The following GRIP2 variants were observed in gnomAD, a reference collection of about 807,000 sequenced individuals.
The protein encoded by GRIP2 is glutamate receptor interacting protein 2.
A neutral mutation model predicts 108.3 loss-of-function variants in GRIP2; 58 were observed. The observed-to-expected ratio is 0.54, with a 90% CI of 0.43 to 0.67. The LOEUF is 0.67. Ranked by LOEUF, GRIP2 falls within the 30% of genes least tolerant of loss-of-function variation. The probability of loss-of-function intolerance (pLI) is 0.00; values close to 1 mark genes in which losing one functional copy is unlikely to be tolerated. For missense variants in GRIP2, 1,278 were observed against 1,430.6 expected (o/e 0.89, Z 1.72); for synonymous variants, 586 against 598.2 (o/e 0.98, Z 0.30).
chr3:14,560,436 T>G (rs1277045585), upstream of GRIP2, among the ~76,000 whole-genome samples: 1 of 152,174 alleles, frequency 6.6e-6, no homozygotes, highest in African/African-American at 2.4e-5. Context: ...GGGAGGAGCT[T>G]TGTCTTTCAG....
At chr3:14,593,804 G>A in the GRIP2 span, among the ~76,000 whole-genome samples, 1 of 152,188 alleles carries the variant, frequency 6.6e-6, no homozygotes, top group East Asian at 1.9e-4. Context: ...TCCCACTAAA[G>A]GCCAGCAGCC....
At position 14,489,364 on chromosome 3, in the gene GRIP2, G is replaced by A. The variant is rs1416019510; in HGVS notation, c.*4301C>T. 1 of 152,552 alleles carries A rather than the reference G, an allele frequency of 6.6e-6. No homozygotes were observed. Among genetic ancestry groups the A allele is most frequent in the Non-Finnish European group, 1.5e-5 (1 of 68,028 alleles). The allele number at this position is 152,552 out of a possible 1,614,324, so 9.4% of individuals were successfully genotyped here. A position where few individuals can be genotyped will look rare whatever the true frequency, so the allele number is the denominator to read the frequency against. On this transcript the variant is annotated 3_prime_UTR_variant, in exon 24 of 24. Coordinates refer to ENST00000621039, the MANE Select transcript of GRIP2 (RefSeq NM_001080423.4). The stretch of plus-strand genomic sequence containing the variant: ...TTAACATCCAACATGTGTGGGTTGT[G>A]TTCTGGTGAGGTATTTCCCCCTCAA...
At chr3:14,583,266 C>T in the GRIP2 span, among the ~76,000 whole-genome samples, 12 of 152,070 alleles carry the variant, frequency 7.9e-5, no homozygotes, top group Non-Finnish European at 1.5e-4. Flanking sequence ...GGGCTGAGAG[C>T]CCTGTGATGA....
rs530268671 is a variant in GRIP2 at position 14,506,039 on chromosome 3, C to T, written c.2399-250G>A. 5.8e-4 allele frequency among the ~76,000 whole-genome samples: 88 copies of T among 152,320 alleles called. 1 individual carries two copies. The highest frequency in any genetic ancestry group is 4.6e-4 in the African/African-American group (19 of 41,568). On this transcript the variant is annotated intron_variant, in intron 19 of 23. Coordinates refer to ENST00000621039, the MANE Select transcript of GRIP2 (RefSeq NM_001080423.4). ...CCTGGGCTTGGCCATCACCCTGCCA[C>T]GGAAGGAGGCTGAACATGTGGCCCA...
chr3:14,499,135 C>T (rs1165518691), intron 21 of GRIP2, among the ~76,000 whole-genome samples: 10 of 152,146 alleles, frequency 6.6e-5, no homozygotes, highest in Non-Finnish European at 2.9e-5. Flanking sequence ...GTGACCTCCG[C>T]ATGAAGGTGG....
In GRIP2 at chr3:14,509,957, C is replaced by T. The variant is rs1193055276; in HGVS notation, c.1941G>A (p.Leu647=). Residue 647 remains leucine (L), a synonymous_variant, in exon 17 of 24, where the codon CTG becomes CTA. Coordinates refer to ENST00000621039, the MANE Select transcript of GRIP2 (RefSeq NM_001080423.4). The part of the protein sequence containing the change: ...IRKDEDNSDE[L]ETTGAVSYTV... ...TGTAACTGACGGCACCTGTGGTCTCCAGCTCATCTGCAAGCACGGGGACCC... is the reference window on the plus strand; with the variant it reads ...TGTAACTGACGGCACCTGTGGTCTCTAGCTCATCTGCAAGCACGGGGACCC... The T allele has an allele frequency of 6.6e-7, 1 of 1,510,064 alleles. No homozygotes were observed. Among genetic ancestry groups the T allele is most frequent in the Non-Finnish European group, 8.9e-7 (1 of 1,122,954 alleles). The allele number at this position is 1,510,064 out of a possible 1,614,324, so 93.5% of individuals were successfully genotyped here.
At chr3:14,596,098 G>C in the GRIP2 span, among the ~76,000 whole-genome samples, 1 of 152,252 alleles carries the variant, frequency 6.6e-6, no homozygotes, top group Non-Finnish European at 1.5e-5. Context: ...CACAGGCCTG[G>C]CCTTGGGGTC....
At chr3:14,500,338 T>C (rs1693732383) in intron 21 of GRIP2, among the ~76,000 whole-genome samples, 1 of 152,086 alleles carries the variant, frequency 6.6e-6, no homozygotes, top group Non-Finnish European at 1.5e-5. Context: ...GTAAACACCA[T>C]GACTAGGAAT....
chr3:14,579,715 C>T, the GRIP2 span, among the ~76,000 whole-genome samples: 1 of 136,776 alleles, frequency 7.3e-6, no homozygotes, highest in African/African-American at 2.7e-5. Flanking sequence ...CTCCCCAAGC[C>T]TCTGTTTCTG....
chr3:14,540,480 A>G (rs1283082579), upstream of GRIP2: 1 of 1,470,548 alleles, frequency 6.8e-7, no homozygotes, highest in Non-Finnish European at 9.1e-7. The surrounding 1 kb of genome is among the most constrained non-coding windows in gnomAD (Gnocchi z 4.1). Flanking sequence ...GGACATGGCT[A>G]TTGTCAAGGC....
At chr3:14,561,538 A>G in the GRIP2 span, among the ~76,000 whole-genome samples, 7 of 152,358 alleles carry the variant, frequency 4.6e-5, no homozygotes, top group Admixed American at 1.3e-4. Context: ...GAGGCTGCAC[A>G]GAGCCCAGGA....
chr3:14,527,302 G>A (rs1159735580), intron 1 of GRIP2, among the ~76,000 whole-genome samples: 9 of 151,800 alleles, frequency 5.9e-5, no homozygotes, highest in Non-Finnish European at 4.4e-5. Flanking sequence ...GCCTTTCCTA[G>A]GCATTTAAAG....
intron 1 of GRIP2, among the ~76,000 whole-genome samples, chr3:14,528,552 A>C (rs1211510342): frequency 6.6e-6 from 1 of 152,178 alleles, no homozygotes; most frequent in Non-Finnish European, 1.5e-5. Context: ...AATATCAGTT[A>C]GGGTTTAAAC....
At chr3:14,543,994 A>G (rs757248010), upstream of GRIP2, among the ~76,000 whole-genome samples, 3 of 152,190 alleles carry the variant, frequency 2.0e-5, no homozygotes, top group Non-Finnish European at 2.9e-5. Flanking sequence ...GCATTCATCC[A>G]CCCACTTGCC....
chr3:14,594,377 C>T, the GRIP2 span, among the ~76,000 whole-genome samples: 4 of 152,158 alleles, frequency 2.6e-5, no homozygotes, highest in African/African-American at 9.7e-5. Flanking sequence ...ACTCGGGGCA[C>T]GTGTGTAGGG....
At position 14,507,675 on chromosome 3, in the gene GRIP2, G is replaced by A. The variant is rs763855418; in HGVS notation, c.2104C>T (p.Arg702Cys). 3.8e-5 allele frequency: 61 copies of A among 1,613,816 alleles called. 2 individuals are homozygous for A. In the South Asian group the frequency reaches 5.2e-4, roughly 14 times the overall value. Reference sequence around the variant, plus strand: ...CTAACGTTGTTGATGGCCAGAATGCGGTCCCCCACGTGGATGGCACCAGTC... The same window carrying A: ...CTAACGTTGTTGATGGCCAGAATGCAGTCCCCCACGTGGATGGCACCAGTC... Reference protein sequence around the residue: ...ERTGAIHVGDRILAINNVSLK... With the variant: ...ERTGAIHVGDCILAINNVSLK... The change falls in exon 18 of 24, where the codon CGC becomes TGC. Residue 702 changes from arginine (R) to cysteine (C), a missense_variant. Coordinates refer to ENST00000621039, the MANE Select transcript of GRIP2 (RefSeq NM_001080423.4). The surrounding 1 kb of genome is among the most constrained non-coding windows in gnomAD (Gnocchi z 4.6).
the GRIP2 span, among the ~76,000 whole-genome samples, chr3:14,595,359 C>A: frequency 6.6e-6 from 1 of 152,274 alleles, no homozygotes; most frequent in Non-Finnish European, 1.5e-5. Flanking sequence ...ACCTCACACA[C>A]TCTCATCAGT....
At chr3:14,570,942 T>C in the GRIP2 span, among the ~76,000 whole-genome samples, 1 of 152,220 alleles carries the variant, frequency 6.6e-6, no homozygotes, top group Non-Finnish European at 1.5e-5. Context: ...TCAGGCAGTA[T>C]TGACATTTTG....
At chr3:14,498,169 A>T (rs563583146) in intron 21 of GRIP2, among the ~76,000 whole-genome samples, 1 of 152,312 alleles carries the variant, frequency 6.6e-6, no homozygotes, top group Admixed American at 6.5e-5. Flanking sequence ...GATTATGATT[A>T]AAATGTTTTA....
Sources: gnomAD v4.1 joint callset for allele counts (sites outside exome capture counted in the v4.1 genomes callset) on GRCh38, gnomAD v4.1.1 for gene constraint, Gnocchi (gnomAD v3.1) non-coding constraint, MANE v1.5 for transcripts, NCBI Gene and HGNC (gene_info 2026-07-23, HGNC 2026-07-21) for gene names.